SCN1A: variants seen among roughly 807,000 people sequenced by gnomAD.
The protein encoded by SCN1A is sodium voltage-gated channel alpha subunit 1.
In SCN1A, 13 loss-of-function variants were observed where a neutral mutation model predicts 193.7. The observed-to-expected ratio is 0.07, with a 90% CI of 0.04 to 0.11. SCN1A has a LOEUF of 0.11. Ranked by LOEUF, SCN1A falls within the 10% of genes least tolerant of loss-of-function variation. The pLI, the probability that SCN1A is intolerant of heterozygous loss-of-function variation, is 1.00. For synonymous variants in SCN1A, 781 were observed against 843.6 expected (o/e 0.93, Z 1.29); for missense variants, 1,432 against 2,451.1 (o/e 0.58, Z 8.78).
chr2:166,041,139 T>C, intron 16 of SCN1A, 92 bp downstream of exon 16: 1 of 973,554 alleles, frequency 1.0e-6, no homozygotes, highest in East Asian at 2.4e-5. Context: ...GCATGAAGGA[T>C]GGTTGAAAGA....
At chr2:166,111,630 T>C (rs1335942942) in intron 2 of SCN1A, among the ~76,000 whole-genome samples, 1 of 152,162 alleles carries the variant, frequency 6.6e-6, no homozygotes, top group Non-Finnish European at 1.5e-5. Context: ...TTTATAAGAC[T>C]ATAGCTGCTA....
intron 2 of SCN1A, among the ~76,000 whole-genome samples, chr2:166,089,583 T>G (rs2106072344): frequency 6.6e-6 from 1 of 152,110 alleles, no homozygotes. Context: ...AGGTAGGGGA[T>G]GGGGCTGGCT....
At chr2:166,000,716 T>C (rs911858791) in intron 24 of SCN1A, among the ~76,000 whole-genome samples, 3 of 151,694 alleles carry the variant, frequency 2.0e-5, no homozygotes, top group African/African-American at 7.3e-5. Flanking sequence ...ACAAGGCTTT[T>C]GTATATGAAA....
chr2:166,088,707 G>A (rs11887412), intron 2 of SCN1A, among the ~76,000 whole-genome samples: 3 of 152,030 alleles, frequency 2.0e-5, no homozygotes, highest in African/African-American at 7.2e-5. Flanking sequence ...CCCAAAGCCC[G>A]TGGGCTAGGT....
At chr2:166,078,482 C>T (rs1031699951) in intron 2 of SCN1A, among the ~76,000 whole-genome samples, 1 of 149,130 alleles carries the variant, frequency 6.7e-6, no homozygotes, top group Non-Finnish European at 1.5e-5. Context: ...GGAGGCTCTG[C>T]GTGTGTAGAG....
intron 2 of SCN1A, among the ~76,000 whole-genome samples, chr2:166,124,475 A>T (rs915790214): frequency 2.0e-5 from 3 of 152,146 alleles, no homozygotes; most frequent in Non-Finnish European, 4.4e-5. Context: ...TCAACCCGGG[A>T]GGCAGAAATT....
chr2:166,026,414 C>T (rs916007134), intron 19 of SCN1A, among the ~76,000 whole-genome samples: 1 of 152,030 alleles, frequency 6.6e-6, no homozygotes, highest in Non-Finnish European at 1.5e-5. Flanking sequence ...AAAAGCTCCT[C>T]TTCAGATGTG....
chr2:166,143,038 T>G (rs1211134466), intron 1 of SCN1A, among the ~76,000 whole-genome samples: 1 of 151,202 alleles, frequency 6.6e-6, no homozygotes, highest in African/African-American at 2.4e-5. Context: ...GGGTATGTCT[T>G]TATTACCAGC....
At chr2:166,124,378 A>G (rs1024278160) in intron 2 of SCN1A, among the ~76,000 whole-genome samples, 3 of 151,696 alleles carry the variant, frequency 2.0e-5, no homozygotes, top group African/African-American at 7.3e-5. Context: ...GTGAAACCCC[A>G]TCTCTACAAA....
Position 166,009,847 on chromosome 2 carries a change from C to T in SCN1A, c.3880-6G>A. 2 of 1,604,934 alleles carry T rather than the reference C, an allele frequency of 1.2e-6. No homozygotes were observed. Among genetic ancestry groups the T allele is most frequent in the Non-Finnish European group, 1.7e-6 (2 of 1,173,462 alleles). ...GTTAAACTGACCAATGAAACCTGCA[C>T]ACACAAAAATAATAACAATTAATAA... is the stretch of plus-strand genomic sequence containing the variant. On this transcript the variant is annotated splice_region_variant and splice_polypyrimidine_tract_variant and intron_variant, in intron 22 of 28. Coordinates refer to ENST00000674923, the MANE Select transcript of SCN1A (RefSeq NM_001165963.4).
intron 4 of SCN1A, among the ~76,000 whole-genome samples, chr2:166,073,029 G>A (rs1012068942): frequency 2.6e-5 from 4 of 151,950 alleles, no homozygotes; most frequent in African/African-American, 7.2e-5. Context: ...TAGCAGAGAA[G>A]GGGTTTCACC....
At chr2:166,092,479 C>G (rs1469802431) in intron 2 of SCN1A, 2 of 152,194 alleles carry the variant, frequency 1.3e-5, no homozygotes, top group African/African-American at 4.8e-5. Context: ...ATTAAAGATG[C>G]ATCCATAATT....
At chr2:166,039,184 A>C (rs1450852881) in intron 17 of SCN1A, among the ~76,000 whole-genome samples, 1 of 146,906 alleles carries the variant, frequency 6.8e-6, no homozygotes, top group African/African-American at 2.5e-5. Flanking sequence ...AGCAATACTT[A>C]GTGAAAATAG....
upstream of SCN1A, among the ~76,000 whole-genome samples, chr2:166,132,004 T>A (rs1273697437): frequency 6.6e-6 from 1 of 152,160 alleles, no homozygotes; most frequent in Non-Finnish European, 1.5e-5. Flanking sequence ...TGGGAATCTA[T>A]AGTCACTGAG....
intron 2 of SCN1A, among the ~76,000 whole-genome samples, chr2:166,113,413 A>G (rs1689508421): frequency 6.6e-6 from 1 of 152,080 alleles, no homozygotes; most frequent in Admixed American, 6.6e-5. Flanking sequence ...GAATGAGAAA[A>G]TTATTTCTTG....
chr2:166,090,343 G>A (rs919815246), intron 2 of SCN1A, among the ~76,000 whole-genome samples: 1 of 152,016 alleles, frequency 6.6e-6, no homozygotes, highest in Non-Finnish European at 1.5e-5. Flanking sequence ...AAAGAGAAAA[G>A]AATTTAAACT....
In SCN1A at chr2:165,992,337, G is replaced by A. The variant is rs777853016; in HGVS notation, c.4938C>T (p.Ile1646=). Residue 1646 remains isoleucine, a synonymous_variant, in exon 29 of 29, where the codon ATC becomes ATT. Coordinates refer to ENST00000674923, the MANE Select transcript of SCN1A (RefSeq NM_001165963.4). This position sits in a 1 kb window ranked among gnomAD's most constrained non-coding sequence, Gnocchi z 6.5. ...RVIRLARIGR[I]LRLIKGAKGI... The stretch of plus-strand genomic sequence containing the variant: ...CCTTTGCTCCTTTGATCAGACGTAG[G>A]ATTCGGCCAATCCTAGCAAGACGGA... 5.0e-6 allele frequency: 8 copies of A among 1,613,742 alleles called. No homozygotes were observed. Among genetic ancestry groups the A allele is most frequent in the Middle Eastern group, 1.6e-4 (1 of 6,062 alleles).
At chr2:166,135,165 T>C (rs1691807982) in intron 1 of SCN1A, among the ~76,000 whole-genome samples, 1 of 152,162 alleles carries the variant, frequency 6.6e-6, no homozygotes, top group African/African-American at 2.4e-5. Flanking sequence ...AACAATATGA[T>C]TGATTACTTA....
At position 166,093,222 on chromosome 2, in the gene SCN1A, A is replaced by T. The variant is rs74416083; in HGVS notation, c.-141-15421T>A. 2.5e-3 allele frequency among the ~76,000 whole-genome samples: 380 copies of T among 152,178 alleles called. 1 individual carries two copies. The highest frequency in any genetic ancestry group is 8.7e-3 in the African/African-American group (362 of 41,532). On this transcript the variant is annotated intron_variant, in intron 2 of 28. Coordinates refer to ENST00000674923, the MANE Select transcript of SCN1A (RefSeq NM_001165963.4). ...AAAAAAAACAGAAATAACAGTAGCCATGCAAGCATTCAGAAAGAATGTAGG... is the reference window on the plus strand; with the variant it reads ...AAAAAAAACAGAAATAACAGTAGCCTTGCAAGCATTCAGAAAGAATGTAGG...
Sources: allele counts gnomAD v4.1 joint callset (sites outside exome capture counted in the v4.1 genomes callset), GRCh38; gene constraint gnomAD v4.1.1; non-coding constraint Gnocchi (gnomAD v3.1); transcripts MANE v1.5; gene names NCBI Gene and HGNC (gene_info 2026-07-23, HGNC 2026-07-21).